GRM7: variants seen among roughly 807,000 people sequenced by gnomAD.
GRM7 encodes the protein metabotropic glutamate receptor 7.
Under a neutral mutation model 84.5 loss-of-function variants are expected in GRM7, and 35 were observed. The observed-to-expected ratio is 0.41, with a 90% CI of 0.32 to 0.55. GRM7 has a LOEUF of 0.55. Ranked by LOEUF, GRM7 falls within the 20% of genes least tolerant of loss-of-function variation. The probability of loss-of-function intolerance (pLI) is 0.19; values close to 1 mark genes in which losing one functional copy is unlikely to be tolerated. For synonymous variants in GRM7, 487 were observed against 455.1 expected (o/e 1.07, Z -0.89); for missense variants, 1,003 against 1,194.6 (o/e 0.84, Z 2.36).
At chr3:7,676,248 G>A (rs1700117154) in intron 8 of GRM7, among the ~76,000 whole-genome samples, 2 of 152,170 alleles carry the variant, frequency 1.3e-5, no homozygotes, top group South Asian at 4.2e-4. Flanking sequence ...TTCAGTGTGA[G>A]CCTCCTACCT....
rs567764675 is a variant in GRM7, at chr3:7,348,360, C to A, written c.1033+41708C>A. On this transcript the variant is annotated intron_variant, in intron 4 of 9. Coordinates refer to ENST00000357716, the MANE Select transcript of GRM7 (RefSeq NM_000844.4). The stretch of plus-strand genomic sequence containing the variant: ...TTCCATAGTCACATCTCATTTACTC[C>A]TTTTCCCACTTTCTACTGATATCCT... 1.1e-3 allele frequency among the ~76,000 whole-genome samples: 161 copies of A among 152,102 alleles called. 1 individual carries two copies. Among genetic ancestry groups the A allele is most frequent in the Non-Finnish European group, 1.8e-3 (121 of 68,014 alleles).
At chr3:6,957,810 T>C (rs1364392350) in intron 1 of GRM7, among the ~76,000 whole-genome samples, 1 of 152,210 alleles carries the variant, frequency 6.6e-6, no homozygotes, top group Non-Finnish European at 1.5e-5. Context: ...GAGGGATATA[T>C]TTCTGGTCGA....
chr3:7,471,475 C>T (rs929457830), intron 7 of GRM7, among the ~76,000 whole-genome samples: 8 of 152,158 alleles, frequency 5.3e-5, no homozygotes, highest in African/African-American at 1.9e-4. Context: ...GCTTCTGGCA[C>T]CTTGACCTGT....
At chr3:7,183,628 A>G (rs970181720) in intron 2 of GRM7, among the ~76,000 whole-genome samples, 18 of 152,168 alleles carry the variant, frequency 1.2e-4, no homozygotes, top group African/African-American at 4.1e-4. Flanking sequence ...CCATCTCAAA[A>G]ATAATAATAA....
chr3:7,042,262 G>C (rs1037015974), intron 1 of GRM7, among the ~76,000 whole-genome samples: 4 of 152,076 alleles, frequency 2.6e-5, no homozygotes, highest in African/African-American at 9.7e-5. Context: ...AATTGGAGGA[G>C]GGGTGGGAGC....
intron 4 of GRM7, among the ~76,000 whole-genome samples, chr3:7,376,235 C>T (rs938312314): frequency 2.0e-5 from 3 of 152,180 alleles, no homozygotes; most frequent in African/African-American, 7.2e-5. Context: ...GTGGGCCAGA[C>T]ATCTTCATTT....
intron 1 of GRM7, among the ~76,000 whole-genome samples, chr3:6,998,358 C>T (rs1396766796): frequency 1.3e-5 from 2 of 152,152 alleles, no homozygotes; most frequent in Non-Finnish European, 2.9e-5. Context: ...GCAGCTCTGG[C>T]CCTGTGGCTT....
At chr3:7,725,826 A>T (rs1481139973) in intron 9 of GRM7, among the ~76,000 whole-genome samples, 1 of 152,206 alleles carries the variant, frequency 6.6e-6, no homozygotes, top group South Asian at 2.1e-4. Flanking sequence ...TCCTTCTAGG[A>T]CATGACATCA....
chr3:7,641,424 A>C (rs1304189292), intron 8 of GRM7, among the ~76,000 whole-genome samples: 1 of 152,154 alleles, frequency 6.6e-6, no homozygotes, highest in Non-Finnish European at 1.5e-5. Flanking sequence ...AAAACCATGG[A>C]ATATTTAGAA....
intron 1 of GRM7, among the ~76,000 whole-genome samples, chr3:7,035,944 T>C (rs539047646): frequency 8.5e-5 from 13 of 152,352 alleles, no homozygotes; most frequent in African/African-American, 3.1e-4. Flanking sequence ...CAGGCTCTGT[T>C]GCTAAAGTTA....
At chr3:7,269,032 G>T (rs746163013) in intron 2 of GRM7, among the ~76,000 whole-genome samples, 12 of 152,050 alleles carry the variant, frequency 7.9e-5, no homozygotes, top group Non-Finnish European at 1.8e-4. Context: ...ATTTCCCTTT[G>T]CTGTCCGTGA....
intron 4 of GRM7, among the ~76,000 whole-genome samples, chr3:7,324,643 G>T (rs904775621): frequency 3.3e-5 from 5 of 151,984 alleles, no homozygotes; most frequent in African/African-American, 1.2e-4. Flanking sequence ...TTTGTTTGTT[G>T]GTTTGTTTTA....
intron 1 of GRM7, among the ~76,000 whole-genome samples, chr3:7,040,098 G>A (rs1559400549): frequency 6.6e-6 from 1 of 152,054 alleles, no homozygotes; most frequent in Non-Finnish European, 1.5e-5. Flanking sequence ...CCCTTTGCAG[G>A]GCCCCATTCC....
At chr3:7,160,141 C>T (rs1295425388) in intron 2 of GRM7, among the ~76,000 whole-genome samples, 1 of 152,024 alleles carries the variant, frequency 6.6e-6, no homozygotes, top group Non-Finnish European at 1.5e-5. Context: ...TATTTGGCTG[C>T]CCCATCTCTA....
At chr3:7,248,572 G>A (rs541354876) in intron 2 of GRM7, among the ~76,000 whole-genome samples, 4 of 152,038 alleles carry the variant, frequency 2.6e-5, no homozygotes, top group East Asian at 3.9e-4. Context: ...CTTAAAATGC[G>A]TGCATTTTAT....
At chr3:6,948,373 G>A (rs1698172494) in intron 1 of GRM7, among the ~76,000 whole-genome samples, 1 of 152,346 alleles carries the variant, frequency 6.6e-6, no homozygotes, top group Non-Finnish European at 1.5e-5. Context: ...TTTTGAGTGA[G>A]TTTCTTAATC....
At chr3:7,364,721 C>G (rs1020376328) in intron 4 of GRM7, among the ~76,000 whole-genome samples, 8 of 151,630 alleles carry the variant, frequency 5.3e-5, no homozygotes, top group African/African-American at 1.9e-4. Flanking sequence ...TGGAGAATAC[C>G]AGATTTTGTG....
At chr3:7,459,620 G>T (rs1698157887) in intron 6 of GRM7, among the ~76,000 whole-genome samples, 1 of 152,176 alleles carries the variant, frequency 6.6e-6, no homozygotes, top group South Asian at 2.1e-4. Context: ...AAAGACATCA[G>T]ATCTGGTGAG....
rs1016333399 is a variant in GRM7 at position 7,662,153 on chromosome 3, A to G, written c.2452-17896A>G. Reference sequence around the variant, plus strand: ...CTGAATGAAAGATGCGAGACAAAAAATAGTAGTTATCATAGAATTTTATTT... The same window carrying G: ...CTGAATGAAAGATGCGAGACAAAAAGTAGTAGTTATCATAGAATTTTATTT... On this transcript the variant is annotated intron_variant, in intron 8 of 9. Transcript: ENST00000357716. 2.0e-5 allele frequency among the ~76,000 whole-genome samples: 3 copies of G among 152,264 alleles called. No homozygotes were observed. In the East Asian group the frequency reaches 5.8e-4, roughly 29 times the overall value.
Sources: allele counts gnomAD v4.1 joint callset (sites outside exome capture counted in the v4.1 genomes callset), GRCh38; gene constraint gnomAD v4.1.1; transcripts MANE v1.5; gene names NCBI Gene and HGNC (gene_info 2026-07-23, HGNC 2026-07-21).